The following SEPTIN9 variants were observed in gnomAD, a reference collection of about 807,000 sequenced individuals.
SEPTIN9 encodes the protein septin-9.
Under a neutral mutation model 56.6 loss-of-function variants are expected in SEPTIN9, and 13 were observed. The ratio of observed to expected loss-of-function variants is 0.23; its 90% confidence interval spans 0.15 to 0.37. The LOEUF is 0.37. Ranked by LOEUF, SEPTIN9 falls within the 10% of genes least tolerant of loss-of-function variation. The probability of loss-of-function intolerance (pLI) is 1.00; values close to 1 mark genes in which losing one functional copy is unlikely to be tolerated. For synonymous variants in SEPTIN9, 332 were observed against 334.1 expected, an observed-to-expected ratio of 0.99 and a Z score of 0.07; for missense variants, 650 against 823.1, an observed-to-expected ratio of 0.79 and a Z score of 2.57.
chr17:77,311,993 T>C (rs1338454345), intron 2 of SEPTIN9, among the ~76,000 whole-genome samples: 2 of 152,006 alleles, frequency 1.3e-5, no homozygotes, highest in Non-Finnish European at 2.9e-5. Context: ...AATCTCAGAG[T>C]TGACCTTGAC....
chr17:77,468,074 G>C (rs538232405), intron 3 of SEPTIN9, among the ~76,000 whole-genome samples: 3 of 152,062 alleles, frequency 2.0e-5, no homozygotes, highest in Admixed American at 1.3e-4. Flanking sequence ...GACCATCCTG[G>C]CTAACACGGT....
Position 77,461,970 on chromosome 17 carries a change from C to T in SEPTIN9, c.722-20174C>T, listed in dbSNP as rs1013879142. 2.6e-5 allele frequency among the ~76,000 whole-genome samples: 4 copies of T among 152,152 alleles called. No homozygotes were observed. In the East Asian group the frequency reaches 5.8e-4, roughly 22 times the overall value. ...AAAATCTGATGTTCCAGGTTGAAGG[C>T]GGTTAAGCGGGAAGAATTCTCTCTC... On this transcript the variant is annotated intron_variant, in intron 3 of 11. Coordinates refer to ENST00000427177, the MANE Select transcript of SEPTIN9 (RefSeq NM_001113491.2).
chr17:77,427,974 G>A (rs552388888), intron 3 of SEPTIN9, among the ~76,000 whole-genome samples: 1 of 152,160 alleles, frequency 6.6e-6, no homozygotes, highest in Non-Finnish European at 1.5e-5. Flanking sequence ...CCTGGTTTTC[G>A]TTCGATTCAT....
chr17:77,388,239 C>T (rs1465680753), intron 2 of SEPTIN9, among the ~76,000 whole-genome samples: 3 of 152,114 alleles, frequency 2.0e-5, no homozygotes, highest in Admixed American at 6.5e-5. Flanking sequence ...CGGCTGAGTC[C>T]GAGAGTCCCC....
In SEPTIN9 at chr17:77,499,198, C is replaced by G. The variant is rs759198957; in HGVS notation, c.*540C>G. 1 of 552,872 alleles carries G rather than the reference C, an allele frequency of 1.8e-6. No individual in the cohort carries two copies. The highest frequency in any genetic ancestry group is 1.5e-5 in the South Asian group (1 of 66,514). 34.2% of individuals were successfully genotyped at this position (552,872 alleles called of 1,614,324 possible). On this transcript the variant is annotated 3_prime_UTR_variant, in exon 12 of 12. Coordinates refer to ENST00000427177, the MANE Select transcript of SEPTIN9 (RefSeq NM_001113491.2). ...CTCAGCCCCTACCCCTGCCCTGCTC[C>G]TAAGGGTAGAAAACTCCAGGGTCCC...
At chr17:77,374,461 A>T (rs891741750) in intron 2 of SEPTIN9, 1 of 152,124 alleles carries the variant, frequency 6.6e-6, no homozygotes, top group Non-Finnish European at 1.5e-5. Flanking sequence ...AGCTCACACA[A>T]TGGTCTCCAG....
chr17:77,304,130 A>C (rs536782435), intron 1 of SEPTIN9, among the ~76,000 whole-genome samples: 1 of 152,230 alleles, frequency 6.6e-6, no homozygotes, highest in Non-Finnish European at 1.5e-5. Flanking sequence ...GGCCTGAATA[A>C]TTAGGTCCAA....
chr17:77,388,599 G>C (rs2144018845), intron 2 of SEPTIN9, among the ~76,000 whole-genome samples: 1 of 152,192 alleles, frequency 6.6e-6, no homozygotes, highest in South Asian at 2.1e-4. Flanking sequence ...CTCTCCCCTG[G>C]CTCTGCAGGT....
chr17:77,400,069 C>T lies in SEPTIN9; in HGVS notation c.77-1990C>T, dbSNP rs1338893427. Among the ~76,000 whole-genome samples the T allele has an allele frequency of 2.0e-5, 3 of 152,092 alleles. No homozygotes were observed. The highest frequency in any genetic ancestry group is 6.5e-5 in the Admixed American group (1 of 15,270). On this transcript the variant is annotated intron_variant, in intron 2 of 11. Transcript: ENST00000427177. This position sits in a 1 kb window ranked among gnomAD's most constrained non-coding sequence, Gnocchi z 4.1. ...TCTCAGCTCTGCAACCTCTGCCTCC[C>T]GGGTTCAAGCGATTCTCCTGCCTCA...
In SEPTIN9 at chr17:77,499,588, G is replaced by T. The variant is rs2040424118; in HGVS notation, c.*930G>T. On this transcript the variant is annotated 3_prime_UTR_variant, in exon 12 of 12. Transcript: ENST00000427177. ...GGGGCACGTGTGGGCCGTGGCTTGGGCTGGTCAGAGTGGCGTGAGCTGCCC... is the reference window on the plus strand; with the variant it reads ...GGGGCACGTGTGGGCCGTGGCTTGGTCTGGTCAGAGTGGCGTGAGCTGCCC... The T allele has an allele frequency of 2.3e-6, 1 of 444,200 alleles. No homozygotes were observed. The highest frequency in any genetic ancestry group is 4.3e-6 in the Non-Finnish European group (1 of 232,868). 27.5% of individuals were successfully genotyped at this position (444,200 alleles called of 1,614,324 possible).
At chr17:77,474,364 G>A (rs1598431252) in intron 3 of SEPTIN9, among the ~76,000 whole-genome samples, 1 of 152,368 alleles carries the variant, frequency 6.6e-6, no homozygotes, top group South Asian at 2.1e-4. Context: ...GCCCGGCCCA[G>A]TAGCTGGTAC....
At chr17:77,332,016 C>T (rs1440068939) in intron 2 of SEPTIN9, among the ~76,000 whole-genome samples, 2 of 152,172 alleles carry the variant, frequency 1.3e-5, no homozygotes, top group African/African-American at 2.4e-5. Context: ...TGGCTCATGA[C>T]TGTAATCCCA....
At chr17:77,424,601 G>C (rs893005412) in intron 3 of SEPTIN9, among the ~76,000 whole-genome samples, 24 of 152,208 alleles carry the variant, frequency 1.6e-4, no homozygotes, top group African/African-American at 5.5e-4. Context: ...TCCTGTGAGG[G>C]CCTCGGGGTC....
At chr17:77,464,788 G>C (rs1412211039) in intron 3 of SEPTIN9, among the ~76,000 whole-genome samples, 4 of 151,386 alleles carry the variant, frequency 2.6e-5, no homozygotes, top group African/African-American at 7.3e-5. Flanking sequence ...TGTATTTTTA[G>C]TAGAGATGGG....
intron 3 of SEPTIN9, among the ~76,000 whole-genome samples, chr17:77,411,271 A>T (rs528073193): frequency 4.2e-4 from 64 of 152,352 alleles, no homozygotes; most frequent in African/African-American, 1.4e-3. Context: ...GTGTAAAAAA[A>T]GTCAATGTGT....
At chr17:77,360,951 C>G (rs1598252657) in intron 2 of SEPTIN9, among the ~76,000 whole-genome samples, 1 of 120,052 alleles carries the variant, frequency 8.3e-6, no homozygotes, top group East Asian at 2.4e-4. Flanking sequence ...GACGGGGTCT[C>G]TCTCTGTTGC....
chr17:77,454,448 CTGTACG>C (rs1474014397), intron 3 of SEPTIN9: 1 of 865,402 alleles, frequency 1.2e-6, no homozygotes, highest in Non-Finnish European at 1.4e-6. Context: ...GCCCAGTCCG[CTGTACG>C]TGTGAGTTTG....
At chr17:77,283,513 C>A (rs1159467029) in intron 1 of SEPTIN9, among the ~76,000 whole-genome samples, 1 of 42,248 alleles carries the variant, frequency 2.4e-5, no homozygotes, top group Non-Finnish European at 7.2e-5. Flanking sequence ...GTCAGGCTGA[C>A]CCCCCAACAA....
chr17:77,288,291 T>C, intron 1 of SEPTIN9: 1 of 878,558 alleles, frequency 1.1e-6, no homozygotes. Flanking sequence ...GCCGGGGCCC[T>C]CTGCTTTTCC....
Sources: gnomAD v4.1 joint callset for allele counts (sites outside exome capture counted in the v4.1 genomes callset) on GRCh38, gnomAD v4.1.1 for gene constraint, Gnocchi (gnomAD v3.1) non-coding constraint, MANE v1.5 for transcripts, NCBI Gene and HGNC (gene_info 2026-07-23, HGNC 2026-07-21) for gene names.